The following PBX4 variants were observed in gnomAD, a reference collection of about 807,000 sequenced individuals.
PBX4 encodes the protein PBX homeobox 4, also known as pre-B-cell leukemia transcription factor 4.
A neutral mutation model predicts 35.1 loss-of-function variants in PBX4; 26 were observed. That is an observed-to-expected ratio of 0.74 (90% CI 0.54 to 1.03). The LOEUF (loss-of-function observed/expected upper bound fraction) is 1.03, where lower values mean the gene tolerates loss of function less well. Among genes scored for constraint, PBX4 ranks in the 50% least tolerant of loss-of-function variants. The pLI, the probability that PBX4 is intolerant of heterozygous loss-of-function variation, is 0.00. For missense variants in PBX4, 448 were observed against 504.3 expected (o/e 0.89, Z 1.07); for synonymous variants, 199 against 204.2 (o/e 0.97, Z 0.22).
chr19:19,561,996 C>T lies in PBX4; in HGVS notation c.*29G>A, dbSNP rs773308630. 12 of 1,582,026 alleles carry T rather than the reference C, an allele frequency of 7.6e-6. No homozygotes were observed. The highest frequency in any genetic ancestry group is 1.7e-4 in the Middle Eastern group (1 of 5,996). ...GGCTGGCGATACATGGCAGCTCACGCAGCGCTCTTTCCTGCTTATCCCCCA... is the reference window on the plus strand; with the variant it reads ...GGCTGGCGATACATGGCAGCTCACGTAGCGCTCTTTCCTGCTTATCCCCCA... On this transcript the variant is annotated 3_prime_UTR_variant, in exon 8 of 8. Transcript: ENST00000251203.
At chr19:19,583,147 G>A (rs1174853316) in intron 2 of PBX4, among the ~76,000 whole-genome samples, 2 of 151,714 alleles carry the variant, frequency 1.3e-5, no homozygotes, top group African/African-American at 4.8e-5. Flanking sequence ...GCGAAACCCC[G>A]TCTTTACTGT....
rs181721868 is a variant in PBX4, at chr19:19,580,746, C to T, written c.194-9913G>A. Among the ~76,000 whole-genome samples, 8 of 152,308 alleles carry T rather than the reference C, an allele frequency of 5.3e-5. No homozygotes were observed. The East Asian group carries it at 1.5e-3, about 29-fold the overall frequency. ...ATAACCTTCTGTACTTAGACCTCAA[C>T]TGCTTAAAAGAAAAAACACCAGCTA... On this transcript the variant is annotated intron_variant, in intron 2 of 7. Coordinates refer to ENST00000251203, the MANE Select transcript of PBX4 (RefSeq NM_025245.3).
chr19:19,602,793 G>A (rs777400927), intron 1 of PBX4, among the ~76,000 whole-genome samples: 35 of 151,832 alleles, frequency 2.3e-4, no homozygotes, highest in African/African-American at 7.5e-4. Flanking sequence ...CCCTTCCCAG[G>A]GCTAGCTTAT....
chr19:19,570,111 G>A lies in PBX4; in HGVS notation c.630C>T (p.Ala210=), dbSNP rs780686279. 15 of 1,599,414 alleles carry A rather than the reference G, an allele frequency of 9.4e-6. No individual in the cohort carries two copies. The highest frequency in any genetic ancestry group is 1.1e-5 in the South Asian group (1 of 89,194). Residue 210 remains alanine (A), a splice_region_variant and synonymous_variant, in exon 4 of 8, where the codon GCC becomes GCT. Transcript: ENST00000251203. ...VMTLRSRLLD[A]RRKRRNFSKQ... ...TTTGGGTACGTACAGGCCCTGACCT[G>A]GCATCGAGCAGCCGCGAACGCAGGG...
chr19:19,573,603 A>C (rs2061400852), intron 2 of PBX4, among the ~76,000 whole-genome samples: 1 of 152,196 alleles, frequency 6.6e-6, no homozygotes, highest in Admixed American at 6.6e-5. Flanking sequence ...ATTAGACATA[A>C]ATTTGTCTAA....
intron 1 of PBX4, among the ~76,000 whole-genome samples, chr19:19,609,546 T>C (rs1442598392): frequency 5.5e-5 from 3 of 54,492 alleles, no homozygotes; most frequent in African/African-American, 8.8e-5. Flanking sequence ...CAAAAATCCA[T>C]ATGAAAAAAA....
At chr19:19,617,456 T>G (rs893317034) in intron 1 of PBX4, among the ~76,000 whole-genome samples, 7 of 152,146 alleles carry the variant, frequency 4.6e-5, no homozygotes, top group African/African-American at 1.7e-4. Flanking sequence ...TTTTTTAATT[T>G]TATTTTTAGT....
rs769057071 is a variant in PBX4, at chr19:19,562,022, A to G, written c.*3T>C. On this transcript the variant is annotated 3_prime_UTR_variant, in exon 8 of 8. Coordinates refer to ENST00000251203, the MANE Select transcript of PBX4 (RefSeq NM_025245.3). This position sits in a 1 kb window ranked among gnomAD's most constrained non-coding sequence, Gnocchi z 4.8. ...AGCGCTCTTTCCTGCTTATCCCCCA[A>G]ACTTAATTAGATGTACTGGAGTTGA... 2.5e-5 allele frequency: 41 copies of G among 1,610,012 alleles called. No homozygotes were observed. Among genetic ancestry groups the G allele is most frequent in the Non-Finnish European group, 3.5e-5 (41 of 1,177,700 alleles).
intron 1 of PBX4, chr19:19,608,784 A>T (rs1174393045): frequency 6.6e-6 from 1 of 152,344 alleles, no homozygotes; most frequent in African/African-American, 2.4e-5. Context: ...CCCCCGCCTG[A>T]CTTCACCTAG....
intron 1 of PBX4, among the ~76,000 whole-genome samples, chr19:19,612,035 G>A (rs2061665374): frequency 1.3e-5 from 2 of 152,090 alleles, no homozygotes; most frequent in African/African-American, 4.8e-5. Context: ...TTGGGAGGCT[G>A]AGGCAGGCAG....
rs576671117 is a variant in PBX4, at chr19:19,588,346, TCA to T, written c.193+10944_193+10945del. 1.3e-4 allele frequency: 162 copies of T among 1,224,900 alleles called. 1 individual carries two copies. The South Asian group carries it at 1.9e-3, about 14-fold the overall frequency. 75.9% of individuals were successfully genotyped at this position (1,224,900 alleles called of 1,614,324 possible). On this transcript the variant is annotated intron_variant, in intron 2 of 7. Coordinates refer to ENST00000251203, the MANE Select transcript of PBX4 (RefSeq NM_025245.3). ...GATAACACATTTGCCATCACATTTT[TCA>T]CACAGTCATCTGATGGCAACACCAG...
At chr19:19,606,691 C>T (rs1226442214) in intron 1 of PBX4, 1 of 152,126 alleles carries the variant, frequency 6.6e-6, no homozygotes, top group African/African-American at 2.4e-5. Context: ...GTATATGACA[C>T]GTTATGGCTG....
intron 2 of PBX4, among the ~76,000 whole-genome samples, chr19:19,583,148 T>A (rs2061466321): frequency 6.6e-6 from 1 of 151,968 alleles, no homozygotes; most frequent in African/African-American, 2.4e-5. Flanking sequence ...CGAAACCCCG[T>A]CTTTACTGTG....
At chr19:19,569,173 C>T (rs149241484) in intron 5 of PBX4, among the ~76,000 whole-genome samples, 3 of 152,332 alleles carry the variant, frequency 2.0e-5, no homozygotes, top group Admixed American at 6.5e-5. Flanking sequence ...ATCCTTCCAC[C>T]TCAGCATCCG....
At chr19:19,586,754 A>C (rs1030878750) in intron 2 of PBX4, among the ~76,000 whole-genome samples, 2 of 151,396 alleles carry the variant, frequency 1.3e-5, no homozygotes, top group African/African-American at 4.9e-5. Context: ...ACACGGTAAA[A>C]CCCCATCTTT....
At chr19:19,578,810 G>A (rs187260376) in intron 2 of PBX4, among the ~76,000 whole-genome samples, 4 of 152,286 alleles carry the variant, frequency 2.6e-5, no homozygotes, top group African/African-American at 7.2e-5. Flanking sequence ...TGGAGGTGAC[G>A]CTTTTAGGAG....
intron 1 of PBX4, among the ~76,000 whole-genome samples, chr19:19,607,187 G>A (rs567641920): frequency 6.6e-6 from 1 of 152,134 alleles, no homozygotes; most frequent in Non-Finnish European, 1.5e-5. Context: ...CCAAGTAGCT[G>A]GGATTACAGG....
At position 19,562,684 on chromosome 19, in the gene PBX4, C is replaced by G. The variant is rs2061315060; in HGVS notation, c.1033-567G>C. Among the ~76,000 whole-genome samples the G allele has an allele frequency of 6.6e-6, 1 of 152,184 alleles. No homozygotes were observed. The highest frequency in any genetic ancestry group is 1.5e-5 in the Non-Finnish European group (1 of 68,030). ...GGCACGGTACAGGTTAAGGAAGTGG[C>G]TGGGACTGCTCTGCCCGTGAGTGTG... On this transcript the variant is annotated intron_variant, in intron 7 of 7. Coordinates refer to ENST00000251203, the MANE Select transcript of PBX4 (RefSeq NM_025245.3). This position sits in a 1 kb window ranked among gnomAD's most constrained non-coding sequence, Gnocchi z 4.8.
chr19:19,603,131 G>A (rs1262947048), intron 1 of PBX4, among the ~76,000 whole-genome samples: 2 of 152,060 alleles, frequency 1.3e-5, no homozygotes, highest in Non-Finnish European at 2.9e-5. Context: ...CACTGACCCA[G>A]GTGCTTCCCC....
Sources: gnomAD v4.1 joint callset for allele counts (sites outside exome capture counted in the v4.1 genomes callset) on GRCh38, gnomAD v4.1.1 for gene constraint, Gnocchi (gnomAD v3.1) non-coding constraint, MANE v1.5 for transcripts, NCBI Gene and HGNC (gene_info 2026-07-23, HGNC 2026-07-21) for gene names.